OTOGL: variants seen among roughly 807,000 people sequenced by gnomAD.
The protein encoded by OTOGL is otogelin-like protein.
OTOGL carries 285 observed loss-of-function variants against 318.5 expected under a neutral mutation model. The ratio of observed to expected loss-of-function variants is 0.89; its 90% CI spans 0.81 to 0.99. The LOEUF is 0.99. Among genes scored for constraint, OTOGL ranks in the 50% least tolerant of loss-of-function variants. OTOGL has a pLI of 0.00. For synonymous variants in OTOGL, 987 were observed against 936.5 expected (o/e 1.05, Z -0.99); for missense variants, 2,899 against 2,845.6 (o/e 1.02, Z -0.43).
chr12:80,268,735 G>T lies in OTOGL; in HGVS notation c.2466-1367G>T, dbSNP rs962678861. 2.6e-5 allele frequency among the ~76,000 whole-genome samples: 4 copies of T among 152,152 alleles called. No homozygotes were observed. The East Asian group carries it at 5.8e-4, about 22-fold the overall frequency. On this transcript the variant is annotated intron_variant, in intron 22 of 58. Transcript: ENST00000547103. ...TTTTACTTTCTACGCGTAGTCAAAA[G>T]CCATTTCTTCCTTTCCATCATCACT...
chr12:80,247,241 T>G (rs1278955177), intron 11 of OTOGL, among the ~76,000 whole-genome samples: 6 of 149,352 alleles, frequency 4.0e-5, no homozygotes, highest in Non-Finnish European at 8.8e-5. Context: ...TTCTAGTTCT[T>G]TTAATTGTGA....
chr12:80,265,167 G>A lies in OTOGL; in HGVS notation c.2181G>A (p.Gln727=). The A allele has an allele frequency of 6.2e-7, 1 of 1,613,838 alleles. No homozygotes were observed. The highest frequency in any genetic ancestry group is 1.7e-4 in the Middle Eastern group (1 of 6,050). ...CCCACTATGCCTACCTCTGCGGCCA[G>A]CACGGTGTTCCCATTGATTTCAGAA... ...ALAHYAYLCG[Q]HGVPIDFRTQ... is the part of the protein sequence containing the mutation. The change falls in exon 20 of 59, where the codon CAG becomes CAA. Residue 727 remains glutamine, a synonymous_variant. Transcript: ENST00000547103.
chr12:80,272,725 C>T lies in OTOGL; in HGVS notation c.2681+915C>T, dbSNP rs115341601. On this transcript the variant is annotated intron_variant, in intron 24 of 58. Transcript: ENST00000547103. ...CTTGTGGTTTGTTTCCCAGGAGAATCGCATTTGTCTAAATGGCCCCCATCT... is the reference window on the plus strand; with the variant it reads ...CTTGTGGTTTGTTTCCCAGGAGAATTGCATTTGTCTAAATGGCCCCCATCT... Among the ~76,000 whole-genome samples the T allele has an allele frequency of 1.8e-3, 271 of 152,134 alleles. 1 individual carries two copies. The highest frequency in any genetic ancestry group is 6.2e-3 in the African/African-American group (257 of 41,538).
intron 16 of OTOGL, 37 bp from the exon 17 acceptor site, chr12:80,256,300 T>TCC: frequency 6.3e-7 from 1 of 1,579,330 alleles, no homozygotes; most frequent in South Asian, 1.1e-5. Flanking sequence ...TCTCTCTCTC[T>TCC]CCCATTCCTT....
chr12:80,222,976 C>G (rs183917157), intron 7 of OTOGL, among the ~76,000 whole-genome samples: 1 of 137,516 alleles, frequency 7.3e-6, no homozygotes, highest in South Asian at 2.1e-4. Flanking sequence ...AGATTTTAGT[C>G]CACTATCCCC....
intron 35 of OTOGL, among the ~76,000 whole-genome samples, chr12:80,327,698 G>A (rs952193812): frequency 1.3e-5 from 2 of 151,440 alleles, no homozygotes; most frequent in African/African-American, 4.9e-5. Flanking sequence ...GGTGGTTCAC[G>A]CCTGTAATCC....
At chr12:80,126,356 G>C (rs1870837035) in intron 1 of OTOGL, among the ~76,000 whole-genome samples, 1 of 152,148 alleles carries the variant, frequency 6.6e-6, no homozygotes, top group Non-Finnish European at 1.5e-5. Context: ...GGTTTTGAGT[G>C]AGTTTCTTAA....
chr12:80,338,658 T>C (rs1183323793), intron 42 of OTOGL, among the ~76,000 whole-genome samples: 1 of 152,092 alleles, frequency 6.6e-6, no homozygotes, highest in African/African-American at 2.4e-5. Flanking sequence ...ATGATTGTTA[T>C]GAACATTGCA....
chr12:80,373,704 T>C (rs985326551), intron 57 of OTOGL, among the ~76,000 whole-genome samples: 17 of 151,390 alleles, frequency 1.1e-4, no homozygotes, highest in African/African-American at 4.1e-4. Flanking sequence ...TTATAATTTA[T>C]TACCACCAAA....
intron 26 of OTOGL, among the ~76,000 whole-genome samples, chr12:80,279,943 C>T (rs990157174): frequency 2.0e-5 from 3 of 151,802 alleles, no homozygotes; most frequent in African/African-American, 4.8e-5. Context: ...CCCTGTTCTT[C>T]GCAACCTTGC....
chr12:80,304,523 T>C (rs924103595), intron 28 of OTOGL, among the ~76,000 whole-genome samples: 2 of 152,190 alleles, frequency 1.3e-5, no homozygotes, highest in Non-Finnish European at 2.9e-5. Flanking sequence ...AAAAGATACA[T>C]TTTTAAAAAA....
Position 80,251,726 on chromosome 12 carries a change from C to T in OTOGL, c.1086C>T (p.Ala362=), listed in dbSNP as rs2137500130. The T allele has an allele frequency of 6.3e-7, 1 of 1,595,462 alleles. No individual in the cohort carries two copies. The highest frequency in any genetic ancestry group is 1.1e-5 in the South Asian group (1 of 87,574). Residue 362 remains alanine (A), a synonymous_variant, in exon 12 of 59, where the codon GCC becomes GCT. Transcript: ENST00000547103. ...ATGATGAAACCTATTGCCGAGCAGCCACTGAGTATGCTAGAGCCTGCTCTC... is the reference window on the plus strand; with the variant it reads ...ATGATGAAACCTATTGCCGAGCAGCTACTGAGTATGCTAGAGCCTGCTCTC... ...TDDDETYCRA[A]TEYARACSHA...
At chr12:80,328,487 C>T (rs1407672314) in intron 35 of OTOGL, among the ~76,000 whole-genome samples, 178 bp from the exon 36 acceptor site, 1 of 152,144 alleles carries the variant, frequency 6.6e-6, no homozygotes, top group Non-Finnish European at 1.5e-5. Flanking sequence ...TCTTATCATC[C>T]TCTAGCTTGT....
At position 80,308,839 on chromosome 12, in the gene OTOGL, C is replaced by G. The variant is rs576040645; in HGVS notation, c.3334-1772C>G. On this transcript the variant is annotated intron_variant, in intron 29 of 58. Coordinates refer to ENST00000547103, the MANE Select transcript of OTOGL (RefSeq NM_001378609.3). ...AAAACCAGTCAGGTGTGGCGGCGCG[C>G]GCCTGCAATCGCAGGCACTCGGCAA... Among the ~76,000 whole-genome samples the G allele has an allele frequency of 6.4e-3, 973 of 152,328 alleles. 4 individuals carry two copies. The highest frequency in any genetic ancestry group is 0.022 in the African/African-American group (910 of 41,572).
At chr12:80,353,567 T>C (rs1889694567) in intron 46 of OTOGL, 57 bp downstream of exon 46, 1 of 1,273,520 alleles carries the variant, frequency 7.9e-7, no homozygotes, top group African/African-American at 1.5e-5. Context: ...ACAAAAACAT[T>C]TTTTAGATAT....
intron 1 of OTOGL, among the ~76,000 whole-genome samples, chr12:80,110,827 C>T (rs1388721933): frequency 1.3e-5 from 2 of 152,214 alleles, no homozygotes; most frequent in Non-Finnish European, 2.9e-5. Context: ...GGAATCGCCA[C>T]ACTGTCTTCC....
In OTOGL at chr12:80,125,124, A is replaced by G. The variant is rs544099963; in HGVS notation, c.-20+25519A>G. Among the ~76,000 whole-genome samples, 7 of 152,326 alleles carry G rather than the reference A, an allele frequency of 4.6e-5. No homozygotes were observed. The East Asian group carries it at 1.2e-3, about 25-fold the overall frequency. ...CATCCCTGTCTTGTGCTGGTTTTCA[A>G]AGGGAATGCTTCCAGGTTCTGCCCA... On this transcript the variant is annotated intron_variant, in intron 1 of 58. Transcript: ENST00000547103.
At chr12:80,348,351 T>C (rs1201038802) in intron 44 of OTOGL, among the ~76,000 whole-genome samples, 1 of 152,202 alleles carries the variant, frequency 6.6e-6, no homozygotes, top group African/African-American at 2.4e-5. Context: ...CTAGCCAGTT[T>C]TCCCAACACT....
chr12:80,337,797 G>A (rs914681014), intron 42 of OTOGL, among the ~76,000 whole-genome samples: 1 of 152,000 alleles, frequency 6.6e-6, no homozygotes, highest in African/African-American at 2.4e-5. Context: ...ATATTAAAAT[G>A]AGCCTAAAAA....
Sources: allele counts gnomAD v4.1 joint callset (sites outside exome capture counted in the v4.1 genomes callset), GRCh38; gene constraint gnomAD v4.1.1; transcripts MANE v1.5; gene names NCBI Gene and HGNC (gene_info 2026-07-23, HGNC 2026-07-21).